NCOR2: variants seen among roughly 807,000 people sequenced by gnomAD.
The protein encoded by NCOR2 is nuclear receptor corepressor 2.
NCOR2 carries 81 observed loss-of-function variants against 262.9 expected under a neutral mutation model. The observed-to-expected ratio is 0.31, with a 90% CI of 0.26 to 0.37. The LOEUF (loss-of-function observed/expected upper bound fraction) is 0.37. NCOR2 is among the 10% of genes least tolerant of loss of function. The probability of loss-of-function intolerance (pLI) is 1.00; values close to 1 mark genes in which losing one functional copy is unlikely to be tolerated. For synonymous variants in NCOR2, 1,659 were observed against 1,559.3 expected (o/e 1.06, Z -1.51); for missense variants, 3,385 against 3,621.4 (o/e 0.93, Z 1.68).
exon 30 of NCOR2, chr12:124,347,841 G>A (rs532045505): frequency 1.9e-5 from 29 of 1,566,158 alleles, no homozygotes; most frequent in African/African-American, 1.8e-4. Context: ...TGATGGACCC[G>A]CGGATGTGGT....
rs114162417 is a variant in NCOR2 at position 124,477,072 on chromosome 12, C to T, written c.412-3941G>A. On this transcript the variant is annotated intron_variant, in intron 3 of 46. Coordinates refer to ENST00000405201, the Ensembl canonical transcript of NCOR2. ...AAATCCAGAGAGATGGACAGTGATT[C>T]GTGGTTGCCAGGAAAAAGGAGGAGG... is the stretch of plus-strand genomic sequence containing the variant. Among the ~76,000 whole-genome samples, 782 of 151,962 alleles carry T rather than the reference C, an allele frequency of 5.1e-3. 8 individuals are homozygous for T. Among genetic ancestry groups the T allele is most frequent in the African/African-American group, 0.018 (735 of 41,402 alleles).
At chr12:124,447,710 TA>T (rs2045269632) in intron 7 of NCOR2, among the ~76,000 whole-genome samples, 2 of 151,936 alleles carry the variant, frequency 1.3e-5, no homozygotes, top group South Asian at 4.2e-4. Flanking sequence ...TTTTTTTTTT[TA>T]ACAGAAACAG....
chr12:124,462,156 T>C (rs1194706045), intron 5 of NCOR2, among the ~76,000 whole-genome samples: 3 of 152,116 alleles, frequency 2.0e-5, no homozygotes, highest in African/African-American at 7.2e-5. Context: ...CATCCACCCG[T>C]ATACACACGT....
At chr12:124,377,042 G>T (rs969787069) in intron 18 of NCOR2, among the ~76,000 whole-genome samples, 6 of 152,228 alleles carry the variant, frequency 3.9e-5, no homozygotes, top group African/African-American at 1.4e-4. Context: ...ACAGGGTGGG[G>T]GTCGAAGGTG....
At chr12:124,336,918 G>A (rs1447493276) in exon 38 of NCOR2, 1 of 1,591,908 alleles carries the variant, frequency 6.3e-7, no homozygotes, top group South Asian at 1.1e-5. Context: ...CCAGAGACAG[G>A]AGGCACTAGG....
At chr12:124,417,266 GGCCGGACACTCACTCCACGAAGAGCAA>G (rs2042958234) in intron 13 of NCOR2, among the ~76,000 whole-genome samples, 1 of 150,060 alleles carries the variant, frequency 6.7e-6, no homozygotes, top group East Asian at 2.0e-4. Flanking sequence ...ACGGAGAGCA[GGCCGGACACTCACTCCACGAAGAGCAA>G]GCCGGACACT....
chr12:124,398,570 C>T lies in NCOR2; in HGVS notation c.1814-389G>A, dbSNP rs376539667. ...TGTTGGGAAAGGGGTCACCTGGTGA[C>T]GTGGCGACAGTGGGACACAAGCTTC... On this transcript the variant is annotated intron_variant, in intron 15 of 46. Transcript: ENST00000405201. Among the ~76,000 whole-genome samples the T allele has an allele frequency of 1.4e-3, 215 of 152,328 alleles. 2 individuals are homozygous for T. The highest frequency in any genetic ancestry group is 4.7e-3 in the African/African-American group (196 of 41,584).
chr12:124,330,707 T>C (rs1716974684), intron 44 of NCOR2, 138 bp downstream of exon 46: 1 of 895,420 alleles, frequency 1.1e-6, no homozygotes, highest in East Asian at 2.7e-5. Context: ...AATCCTACTG[T>C]GCGGTTAGTT....
chr12:124,424,534 C>T (rs1000923532), intron 11 of NCOR2, among the ~76,000 whole-genome samples: 3 of 152,098 alleles, frequency 2.0e-5, no homozygotes, highest in Admixed American at 6.5e-5. Context: ...TTCTTATGGA[C>T]GTTTCAACAT....
At chr12:124,456,486 G>A (rs2045863642) in intron 6 of NCOR2, among the ~76,000 whole-genome samples, 1 of 151,896 alleles carries the variant, frequency 6.6e-6, no homozygotes, top group African/African-American at 2.4e-5. Flanking sequence ...GGACACTAGT[G>A]ACAGCCATCA....
intron 8 of NCOR2, among the ~76,000 whole-genome samples, chr12:124,435,986 G>A (rs946107004): frequency 6.6e-6 from 1 of 152,212 alleles, no homozygotes; most frequent in Non-Finnish European, 1.5e-5. Context: ...TCAGAAGAGC[G>A]CCTGCAACAC....
Position 124,455,228 on chromosome 12 carries a change from T to C in NCOR2, c.762+1878A>G, listed in dbSNP as rs147520206. ...AACTGGACACTTTGAGTGAATGGCA[T>C]GCGTGTGAATTGTACCTCAATAAAG... is the stretch of plus-strand genomic sequence containing the variant. On this transcript the variant is annotated intron_variant, in intron 6 of 46. Transcript: ENST00000405201. 8.3e-3 allele frequency among the ~76,000 whole-genome samples: 1,267 copies of C among 152,306 alleles called. 16 individuals are homozygous for C. Among genetic ancestry groups the C allele is most frequent in the African/African-American group, 0.029 (1,187 of 41,560 alleles).
intron 1 of NCOR2, among the ~76,000 whole-genome samples, chr12:124,487,397 T>G (rs375600921): frequency 4.6e-5 from 7 of 152,202 alleles, no homozygotes; most frequent in African/African-American, 1.7e-4. Flanking sequence ...TAGGCAGACC[T>G]TCCTCCTTTA....
rs1566352057 is a variant in NCOR2 at position 124,333,289 on chromosome 12, G to C, written c.6606-10C>G. The C allele has an allele frequency of 6.3e-7, 1 of 1,594,504 alleles. No individual in the cohort carries two copies. Among genetic ancestry groups the C allele is most frequent in the Non-Finnish European group, 8.6e-7 (1 of 1,169,290 alleles). On this transcript the variant is annotated splice_polypyrimidine_tract_variant and intron_variant, in intron 41 of 46. Coordinates refer to ENST00000405201, the Ensembl canonical transcript of NCOR2. The stretch of plus-strand genomic sequence containing the variant: ...GTTTGGCTCTGGAGACCTGGATGGA[G>C]AAAGGGCCCCAGATGTGGTCAGAGG...
intron 14 of NCOR2, 90 bp downstream of exon 16, chr12:124,402,314 C>T (rs1279953188): frequency 9.6e-6 from 15 of 1,570,254 alleles, no homozygotes; most frequent in Non-Finnish European, 1.3e-5. Flanking sequence ...GTGGGCACCC[C>T]ACCCGTCTCT....
intron 6 of NCOR2, among the ~76,000 whole-genome samples, chr12:124,456,340 G>A (rs1191997385): frequency 6.6e-6 from 1 of 152,212 alleles, no homozygotes; most frequent in Admixed American, 6.5e-5. Flanking sequence ...AGATGGCTGT[G>A]GGGCAGGCAG....
intron 1 of NCOR2, among the ~76,000 whole-genome samples, chr12:124,546,993 A>G (rs1041445646): frequency 2.9e-4 from 44 of 151,960 alleles, no homozygotes; most frequent in African/African-American, 1.0e-3. Flanking sequence ...TATTTTATTT[A>G]TTTTTATTTT....
exon 47 of NCOR2, chr12:124,325,517 G>A (rs1192764789): frequency 4.4e-6 from 6 of 1,359,428 alleles, no homozygotes; most frequent in Non-Finnish European, 3.8e-6. Flanking sequence ...GCCCGGTGGG[G>A]GTGGGGAAGC....
chr12:124,410,092 C>G (rs1443056863), intron 13 of NCOR2, among the ~76,000 whole-genome samples: 1 of 150,648 alleles, frequency 6.6e-6, no homozygotes, highest in African/African-American at 2.4e-5. Context: ...CTGCCAGGGC[C>G]CCTCCCTCAG....
Sources: allele counts gnomAD v4.1 joint callset (sites outside exome capture counted in the v4.1 genomes callset), GRCh38; gene constraint gnomAD v4.1.1; transcripts MANE v1.5; gene names NCBI Gene and HGNC (gene_info 2026-07-23, HGNC 2026-07-21).